The following DCAF17 variants were observed in gnomAD, a reference collection of about 807,000 sequenced individuals.
DCAF17 encodes the protein DDB1 and CUL4 associated factor 17.
In DCAF17, 48 loss-of-function variants were observed where a neutral mutation model predicts 66.0. The observed-to-expected ratio is 0.73, with a 90% CI of 0.58 to 0.92. The LOEUF is 0.92. Among genes scored for constraint, DCAF17 ranks in the 40% least tolerant of loss-of-function variants. The pLI, the probability that DCAF17 is intolerant of heterozygous loss-of-function variation, is 0.00. For missense variants in DCAF17, 562 were observed against 622.8 expected (o/e 0.90, Z 1.04); for synonymous variants, 206 against 214.6 (o/e 0.96, Z 0.35).
chr2:171,471,226 TA>T (rs1696226897), intron 9 of DCAF17, among the ~76,000 whole-genome samples: 2 of 152,204 alleles, frequency 1.3e-5, no homozygotes, highest in Non-Finnish European at 2.9e-5. Context: ...GACATTGCTT[TA>T]ATGATTTGTA....
intron 2 of DCAF17, among the ~76,000 whole-genome samples, chr2:171,439,511 C>CTTTTTTTTTTTTTTTTTTTTTTCT (rs374646610): frequency 2.1e-5 from 2 of 94,770 alleles, no homozygotes; most frequent in Non-Finnish European, 4.3e-5. Context: ...CTTTTTTTTC[C>CTTTTTTTTTTTTTTTTTTTTTTCT]TTTTTTTTTT....
intron 10 of DCAF17, among the ~76,000 whole-genome samples, chr2:171,475,121 A>G (rs969556480): frequency 6.6e-6 from 1 of 152,210 alleles, no homozygotes; most frequent in Non-Finnish European, 1.5e-5. Context: ...CTGTCTTTTC[A>G]GAAAACTGAG....
chr2:171,473,570 A>G (rs1696360132), intron 9 of DCAF17, among the ~76,000 whole-genome samples: 1 of 152,102 alleles, frequency 6.6e-6, no homozygotes. Flanking sequence ...AAAGCATCAA[A>G]CGCAGTTCCT....
intron 2 of DCAF17, among the ~76,000 whole-genome samples, chr2:171,441,338 A>C (rs1220347914): frequency 2.0e-5 from 3 of 152,138 alleles, no homozygotes; most frequent in African/African-American, 7.2e-5. Flanking sequence ...GAAGCTGCGC[A>C]CTTGGAGTTG....
intron 8 of DCAF17, among the ~76,000 whole-genome samples, chr2:171,461,398 G>T (rs1259325847): frequency 6.6e-6 from 1 of 152,030 alleles, no homozygotes; most frequent in Non-Finnish European, 1.5e-5. Context: ...CTGCACTCCA[G>T]CCTGGGCGAC....
intron 8 of DCAF17, among the ~76,000 whole-genome samples, chr2:171,461,413 C>G (rs1206305804): frequency 6.6e-6 from 1 of 151,198 alleles, no homozygotes; most frequent in Admixed American, 6.6e-5. Flanking sequence ...GGCGACAGAG[C>G]AAGACTCTGT....
At chr2:171,463,396 AATAT>A (rs1410096171) in intron 8 of DCAF17, among the ~76,000 whole-genome samples, 1 of 151,984 alleles carries the variant, frequency 6.6e-6, no homozygotes, top group Non-Finnish European at 1.5e-5. Flanking sequence ...GTATTAAAGG[AATAT>A]ATATATGGTG....
chr2:171,450,612 T>A (rs940678394), intron 5 of DCAF17, among the ~76,000 whole-genome samples: 1 of 152,114 alleles, frequency 6.6e-6, no homozygotes, highest in African/African-American at 2.4e-5. Flanking sequence ...ATAGACTGCT[T>A]TTAGAGGTTT....
intron 9 of DCAF17, among the ~76,000 whole-genome samples, chr2:171,469,715 A>G (rs1249951816): frequency 6.6e-6 from 1 of 152,246 alleles, no homozygotes; most frequent in Non-Finnish European, 1.5e-5. Flanking sequence ...AATAAGATGC[A>G]ATGTATTAAG....
Position 171,478,090 on chromosome 2 carries a change from T to A in DCAF17, c.1266+20T>A. The A allele has an allele frequency of 1.3e-6, 2 of 1,591,000 alleles. No individual in the cohort carries two copies. The highest frequency in any genetic ancestry group is 1.7e-6 in the Non-Finnish European group (2 of 1,159,154). Reference sequence around the variant, plus strand: ...CAAGAGGTATTGCTTTGGCCAGAGATGACAAACCAAACCAGTGTGTCCTTG... The same window carrying A: ...CAAGAGGTATTGCTTTGGCCAGAGAAGACAAACCAAACCAGTGTGTCCTTG... On this transcript the variant is annotated intron_variant, in intron 12 of 13. Coordinates refer to ENST00000375255, the MANE Select transcript of DCAF17 (RefSeq NM_025000.4).
At chr2:171,459,043 C>A (rs201975084) in intron 8 of DCAF17, among the ~76,000 whole-genome samples, 1 of 152,178 alleles carries the variant, frequency 6.6e-6, no homozygotes, top group East Asian at 1.9e-4. Context: ...GGCATGGTGG[C>A]TCATGCCCGT....
chr2:171,482,203 GT>G lies in DCAF17; in HGVS notation c.*1091del. 1 of 453,206 alleles carries G rather than the reference GT, an allele frequency of 2.2e-6. No homozygotes were observed. Among genetic ancestry groups the G allele is most frequent in the South Asian group, 1.6e-5 (1 of 64,006 alleles). 28.1% of individuals were successfully genotyped at this position (453,206 alleles called of 1,614,324 possible). A position where few individuals can be genotyped will look rare whatever the true frequency, so the allele number is the denominator to read the frequency against. On this transcript the variant is annotated 3_prime_UTR_variant, in exon 14 of 14. Coordinates refer to ENST00000375255, the MANE Select transcript of DCAF17 (RefSeq NM_025000.4). Reference sequence around the variant, plus strand: ...TTGTGCTTCCTGTTTGAGAAATTCAGTTGCTTCCATTTCGCATGTTCTGCAC... The same window carrying G: ...TTGTGCTTCCTGTTTGAGAAATTCAGTGCTTCCATTTCGCATGTTCTGCAC...
At position 171,478,072 on chromosome 2, in the gene DCAF17, T is replaced by G. The variant is rs768464200; in HGVS notation, c.1266+2T>G. The G allele has an allele frequency of 6.2e-7, 1 of 1,612,784 alleles. No homozygotes were observed. Among genetic ancestry groups the G allele is most frequent in the Admixed American group, 1.7e-5 (1 of 59,966 alleles). On this transcript the variant is annotated splice_donor_variant, in intron 12 of 13. Coordinates refer to ENST00000375255, the MANE Select transcript of DCAF17 (RefSeq NM_025000.4). LOFTEE classifies it high-confidence loss of function. ...CTGGATGATGACCCAGAACAAGAGGTATTGCTTTGGCCAGAGATGACAAAC... is the reference window on the plus strand; with the variant it reads ...CTGGATGATGACCCAGAACAAGAGGGATTGCTTTGGCCAGAGATGACAAAC...
At chr2:171,468,186 G>T (rs994691921) in intron 8 of DCAF17, among the ~76,000 whole-genome samples, 2 of 151,860 alleles carry the variant, frequency 1.3e-5, no homozygotes, top group Non-Finnish European at 2.9e-5. Flanking sequence ...ATTTCTCTTG[G>T]TGCTTTTTAG....
At chr2:171,445,857 A>AT (rs1694590670) in intron 3 of DCAF17, among the ~76,000 whole-genome samples, 2 of 151,662 alleles carry the variant, frequency 1.3e-5, no homozygotes, top group South Asian at 4.2e-4. Context: ...TAATTTTTGT[A>AT]TTTTTTGTAG....
intron 3 of DCAF17, among the ~76,000 whole-genome samples, chr2:171,447,872 CT>C (rs1310051016): frequency 2.0e-5 from 3 of 152,208 alleles, no homozygotes; most frequent in African/African-American, 7.2e-5. Flanking sequence ...CTTGTGGTGG[CT>C]CCTCAGTGAC....
intron 10 of DCAF17, 84 bp downstream of exon 10, chr2:171,474,059 T>C: frequency 9.1e-7 from 1 of 1,102,578 alleles, no homozygotes; most frequent in Non-Finnish European, 1.4e-6. Context: ...AGCGAACTAG[T>C]GAGCCAATTA....
chr2:171,468,374 C>T (rs1465234949), intron 8 of DCAF17, among the ~76,000 whole-genome samples: 1 of 152,112 alleles, frequency 6.6e-6, no homozygotes, highest in Non-Finnish European at 1.5e-5. Flanking sequence ...GACTAATACT[C>T]CTCTGTACTG....
intron 2 of DCAF17, among the ~76,000 whole-genome samples, chr2:171,435,448 G>A (rs982467744): frequency 2.0e-5 from 3 of 151,788 alleles, no homozygotes; most frequent in Admixed American, 6.6e-5. Context: ...ACTGTTTAGT[G>A]TTTAGTCTAC....
Sources: allele counts gnomAD v4.1 joint callset (sites outside exome capture counted in the v4.1 genomes callset), GRCh38; gene constraint gnomAD v4.1.1; transcripts MANE v1.5; gene names NCBI Gene and HGNC (gene_info 2026-07-23, HGNC 2026-07-21).